Variants in SPATA13 observed in about 807,000 individuals in gnomAD.
The protein encoded by SPATA13 is spermatogenesis associated 13, also known as spermatogenesis-associated protein 13.
SPATA13 carries 50 observed loss-of-function variants against 104.0 expected under a neutral mutation model. That is an observed-to-expected ratio of 0.48 (90% CI 0.38 to 0.61). SPATA13 has a LOEUF of 0.61. SPATA13 is among the 20% of genes least tolerant of loss of function. The probability of loss-of-function intolerance (pLI) is 0.00; values close to 1 mark genes in which losing one functional copy is unlikely to be tolerated. For synonymous variants in SPATA13, 606 were observed against 667.5 expected (o/e 0.91, Z 1.42); for missense variants, 1,524 against 1,690.6 (o/e 0.90, Z 1.73).
intron 4 of SPATA13, among the ~76,000 whole-genome samples, chr13:24,281,380 C>T (rs544479815): frequency 1.3e-5 from 2 of 152,256 alleles, no homozygotes; most frequent in South Asian, 4.1e-4. Flanking sequence ...GTGACTGGCA[C>T]CATGCACTCA....
intron 3 of SPATA13, among the ~76,000 whole-genome samples, chr13:24,044,049 G>A (rs1878035315): frequency 6.6e-6 from 1 of 152,092 alleles, no homozygotes; most frequent in Non-Finnish European, 1.5e-5. Context: ...GTCAGGGAAA[G>A]TACTAATTCT....
At chr13:24,251,930 A>C in intron 4 of SPATA13, 68 bp downstream of exon 4, 1 of 1,540,082 alleles carries the variant, frequency 6.5e-7, no homozygotes, top group Non-Finnish European at 8.8e-7. Context: ...AGCTAACCTG[A>C]GGCAGCAGGT....
intron 3 of SPATA13, among the ~76,000 whole-genome samples, chr13:24,029,245 A>C (rs2137712938): frequency 6.6e-6 from 1 of 152,308 alleles, no homozygotes; most frequent in South Asian, 2.1e-4. Context: ...TTTCGTGGGA[A>C]TACTTTAAAG....
chr13:24,100,071 C>T (rs1307456276), intron 3 of SPATA13, among the ~76,000 whole-genome samples: 1 of 152,048 alleles, frequency 6.6e-6, no homozygotes, highest in African/African-American at 2.4e-5. Flanking sequence ...CTTATAATAA[C>T]TCATTAAGCT....
At chr13:24,045,139 C>T (rs1878092782) in intron 3 of SPATA13, among the ~76,000 whole-genome samples, 1 of 152,144 alleles carries the variant, frequency 6.6e-6, no homozygotes, top group Non-Finnish European at 1.5e-5. Context: ...ATTGCCAATC[C>T]TTCTGACAAA....
intron 1 of SPATA13, among the ~76,000 whole-genome samples, chr13:24,206,642 A>T (rs889182353): frequency 3.3e-5 from 5 of 152,170 alleles, no homozygotes; most frequent in African/African-American, 1.2e-4. Flanking sequence ...CTGTAATCCT[A>T]GCACTTTGGG....
chr13:24,114,882 G>A (rs185816275), intron 3 of SPATA13, among the ~76,000 whole-genome samples: 5 of 152,170 alleles, frequency 3.3e-5, no homozygotes, highest in African/African-American at 1.2e-4. Context: ...GGCTGGTCTC[G>A]AACTCCTGAC....
intron 1 of SPATA13, among the ~76,000 whole-genome samples, chr13:24,177,245 G>A (rs1045704765): frequency 3.3e-5 from 5 of 152,114 alleles, no homozygotes; most frequent in South Asian, 2.1e-4. Context: ...TAATAGATAT[G>A]TGAAAAAAAG....
chr13:24,109,921 G>A (rs1371406249), intron 3 of SPATA13, among the ~76,000 whole-genome samples: 4 of 150,834 alleles, frequency 2.7e-5, no homozygotes, highest in Admixed American at 6.6e-5. Context: ...CCTTTTTAAG[G>A]CTTTCCATAC....
intron 11 of SPATA13, among the ~76,000 whole-genome samples, chr13:24,299,715 G>A (rs2138774508): frequency 6.6e-6 from 1 of 152,310 alleles, no homozygotes; most frequent in East Asian, 1.9e-4. Flanking sequence ...CCTACAGGAG[G>A]AAGGCTTCCC....
At chr13:24,111,008 A>G (rs1315318932) in intron 3 of SPATA13, among the ~76,000 whole-genome samples, 1 of 152,130 alleles carries the variant, frequency 6.6e-6, no homozygotes, top group East Asian at 1.9e-4. Flanking sequence ...CCTGAACTCC[A>G]GTGATCCTCC....
intron 3 of SPATA13, among the ~76,000 whole-genome samples, chr13:24,020,117 C>T (rs1000563622): frequency 2.2e-4 from 34 of 152,182 alleles, no homozygotes; most frequent in African/African-American, 7.7e-4. Context: ...CAGCTGCATA[C>T]AGCTTCTCCC....
At chr13:23,994,623 C>G (rs1176369551) in intron 2 of SPATA13, among the ~76,000 whole-genome samples, 1 of 152,160 alleles carries the variant, frequency 6.6e-6, no homozygotes, top group Non-Finnish European at 1.5e-5. Context: ...ACACGTGGGA[C>G]ATGTTGAAGT....
intron 3 of SPATA13, chr13:24,251,337 T>C: frequency 2.3e-6 from 1 of 438,308 alleles, no homozygotes; most frequent in Non-Finnish European, 3.0e-6. Context: ...TTGTCCTGGC[T>C]TCCTCCAGAG....
intron 3 of SPATA13, among the ~76,000 whole-genome samples, chr13:24,143,341 A>AT (rs1407669818): frequency 5.3e-5 from 8 of 152,028 alleles, no homozygotes; most frequent in Admixed American, 2.0e-4. Flanking sequence ...TACTTCTCCC[A>AT]TTTTTCCCCA....
intron 3 of SPATA13, chr13:24,251,503 G>T: frequency 1.0e-6 from 1 of 985,488 alleles, no homozygotes; most frequent in Non-Finnish European, 1.2e-6. Context: ...ACATGAGGCT[G>T]CAGGGTGCGG....
intron 1 of SPATA13, among the ~76,000 whole-genome samples, chr13:24,169,179 C>T (rs1882864595): frequency 6.6e-6 from 1 of 152,104 alleles, no homozygotes; most frequent in Admixed American, 6.6e-5. Context: ...CTAGAAAAGG[C>T]TTGGGCTCTT....
intron 4 of SPATA13, among the ~76,000 whole-genome samples, chr13:24,277,221 G>C (rs549827612): frequency 6.6e-6 from 1 of 152,046 alleles, no homozygotes; most frequent in Non-Finnish European, 1.5e-5. Flanking sequence ...GAGGCGGGCG[G>C]ATCACAAGGT....
intron 2 of SPATA13, among the ~76,000 whole-genome samples, chr13:24,232,785 GTGGTCTGCC>G (rs575410408): frequency 6.6e-6 from 1 of 152,238 alleles, no homozygotes; most frequent in South Asian, 2.1e-4. Flanking sequence ...CTGAGCTCAA[GTGGTCTGCC>G]TGCCTCGGCC....
Sources: gnomAD v4.1 joint callset for allele counts (sites outside exome capture counted in the v4.1 genomes callset) on GRCh38, gnomAD v4.1.1 for gene constraint, MANE v1.5 for transcripts, NCBI Gene and HGNC (gene_info 2026-07-23, HGNC 2026-07-21) for gene names.